ZFYVE26: variants seen among roughly 807,000 people sequenced by gnomAD.
ZFYVE26 encodes zinc finger FYVE-type containing 26, also known as zinc finger FYVE domain-containing protein 26.
In ZFYVE26, 181 loss-of-function variants were observed where a neutral mutation model predicts 276.5. The ratio of observed to expected loss-of-function variants is 0.65; its 90% CI spans 0.58 to 0.74. The LOEUF (loss-of-function observed/expected upper bound fraction) is 0.74, where lower values mean the gene tolerates loss of function less well. ZFYVE26 is among the 30% of genes least tolerant of loss of function. The pLI is 0.00. For missense variants in ZFYVE26, 2,821 were observed against 3,097.9 expected, an observed-to-expected ratio of 0.91 and a Z score of 2.12; for synonymous variants, 1,129 against 1,203.1, an observed-to-expected ratio of 0.94 and a Z score of 1.27.
intron 22 of ZFYVE26, among the ~76,000 whole-genome samples, chr14:67,780,922 C>T (rs1038036667): frequency 2.6e-5 from 4 of 152,174 alleles, no homozygotes; most frequent in African/African-American, 9.7e-5. Context: ...AAATATCCCA[C>T]AAGAATCTTT....
rs548309301 is a variant in ZFYVE26, at chr14:67,731,506, C to T, written n.2680-1687G>A. Among the ~76,000 whole-genome samples the T allele has an allele frequency of 3.9e-5, 6 of 152,122 alleles. No individual in the cohort carries two copies. The South Asian group carries it at 6.2e-4, about 16-fold the overall frequency. ...CTGGGATTGCAGGCGTGAGCCACTG[C>T]GCCTGGTCTTCCCATCATATTTCTA... On this transcript the variant is annotated intron_variant and non_coding_transcript_variant, in intron 13 of 14. Coordinates refer to the ZFYVE26 transcript ENST00000394455.
intron 3 of ZFYVE26, among the ~76,000 whole-genome samples, chr14:67,811,421 C>T (rs1311432916): frequency 6.6e-6 from 1 of 151,986 alleles, no homozygotes; most frequent in Admixed American, 6.6e-5. Flanking sequence ...AAAAAACTGG[C>T]AAAATTATAG....
At position 67,748,449 on chromosome 14, in the gene ZFYVE26, C is replaced by G; in HGVS notation, c.7607G>C (p.Gly2536Ala). 2 of 1,612,268 alleles carry G rather than the reference C, an allele frequency of 1.2e-6. No individual in the cohort carries two copies. Among genetic ancestry groups the G allele is most frequent in the Non-Finnish European group, 1.7e-6 (2 of 1,179,868 alleles). The part of the protein sequence containing the change: ...TSHPRGAHGP[G>A]SRK ...CACTGCCCAAGGTCACTTCCTGGAG[C>G]CTGGGCCATGGGCACCCCGGGGGTG... The change falls in exon 42 of 42, where the codon GGC becomes GCC. Residue 2536 changes from glycine (G) to alanine (A), a missense_variant. By Grantham distance (60) the Gly-to-Ala change is moderately conservative. Transcript: ENST00000347230.
At chr14:67,806,749 C>T in intron 5 of ZFYVE26, 74 bp from the exon 6 acceptor site, 2 of 1,575,824 alleles carry the variant, frequency 1.3e-6, no homozygotes, top group Non-Finnish European at 1.7e-6. Context: ...TTTGAACAAC[C>T]AAGTGATGTG....
intron 10 of ZFYVE26, among the ~76,000 whole-genome samples, chr14:67,800,262 A>G (rs561516555): frequency 6.6e-6 from 1 of 152,320 alleles, no homozygotes; most frequent in Non-Finnish European, 1.5e-5. Flanking sequence ...ATGAGAGAAA[A>G]GGGGAAAACA....
intron 31 of ZFYVE26, among the ~76,000 whole-genome samples, chr14:67,766,829 A>G (rs2039072562): frequency 1.3e-5 from 2 of 151,964 alleles, no homozygotes; most frequent in South Asian, 4.2e-4. Flanking sequence ...CCTCCCAAGT[A>G]GTGGGGACCA....
intron 29 of ZFYVE26, 116 bp from the exon 30 acceptor site, chr14:67,768,664 G>A (rs2039123093): frequency 1.0e-6 from 1 of 987,098 alleles, no homozygotes; most frequent in Non-Finnish European, 1.6e-6. Context: ...GGCTCTTTGA[G>A]GGTAGAATTG....
chr14:67,755,862 A>T (rs371488330), intron 36 of ZFYVE26, 86 bp downstream of exon 36: 7 of 1,409,280 alleles, frequency 5.0e-6, no homozygotes, highest in Middle Eastern at 1.9e-4. Context: ...GACCAATGAC[A>T]GTCTCATTCC....
chr14:67,795,511 T>A (rs1293786656), intron 12 of ZFYVE26, among the ~76,000 whole-genome samples: 1 of 152,224 alleles, frequency 6.6e-6, no homozygotes, highest in African/African-American at 2.4e-5. Flanking sequence ...AAACTTTCCA[T>A]GTATACTATC....
At chr14:67,750,032 C>A (rs2038594308) in intron 41 of ZFYVE26, among the ~76,000 whole-genome samples, 1 of 152,174 alleles carries the variant, frequency 6.6e-6, no homozygotes, top group Non-Finnish European at 1.5e-5. Context: ...GTGTCTTTCC[C>A]AGAAATAGCG....
At position 67,734,866 on chromosome 14, in the gene ZFYVE26, T is replaced by C. The variant is rs543824465; in HGVS notation, n.2680-5047A>G. 2.0e-5 allele frequency among the ~76,000 whole-genome samples: 3 copies of C among 152,320 alleles called. No homozygotes were observed. In the East Asian group the frequency reaches 5.8e-4, roughly 29 times the overall value. Reference sequence around the variant, plus strand: ...AAGGAGGCTCCACTTGCAGAATGCATCATTTCCTGCCGCCCTCAGCAAGGA... The same window carrying C: ...AAGGAGGCTCCACTTGCAGAATGCACCATTTCCTGCCGCCCTCAGCAAGGA... On this transcript the variant is annotated intron_variant and non_coding_transcript_variant, in intron 13 of 14. Coordinates refer to the ZFYVE26 transcript ENST00000394455.
At chr14:67,807,998 C>G (rs888535053) in intron 4 of ZFYVE26, 78 bp from the exon 5 acceptor site, 39 of 1,533,894 alleles carry the variant, frequency 2.5e-5, no homozygotes, top group Non-Finnish European at 3.3e-5. Context: ...ATGCTTTCCT[C>G]TTTTTCAGTT....
At chr14:67,735,173 C>T (rs549767321) in intron 13 of ZFYVE26, 6 of 1,203,590 alleles carry the variant, frequency 5.0e-6, no homozygotes. Context: ...AATATTAAGC[C>T]ACAGTCGTTC....
At chr14:67,762,910 C>T in intron 32 of ZFYVE26, 91 bp from the exon 33 acceptor site, 3 of 1,553,350 alleles carry the variant, frequency 1.9e-6, no homozygotes, top group Non-Finnish European at 2.6e-6. Flanking sequence ...TTTCTTTTTT[C>T]TGTTTGTTTT....
chr14:67,791,015 T>C (rs2039800180), intron 14 of ZFYVE26, among the ~76,000 whole-genome samples: 1 of 152,206 alleles, frequency 6.6e-6, no homozygotes, highest in Non-Finnish European at 1.5e-5. Context: ...TCAGAGGAAA[T>C]ATATATGACT....
intron 9 of ZFYVE26, among the ~76,000 whole-genome samples, chr14:67,802,666 GGGTC>G (rs1427326379): frequency 6.6e-6 from 1 of 152,124 alleles, no homozygotes; most frequent in Non-Finnish European, 1.5e-5. Flanking sequence ...GTGCCCCAGT[GGGTC>G]CAGGGATCAG....
chr14:67,811,361 G>A (rs1594941585), intron 3 of ZFYVE26, among the ~76,000 whole-genome samples: 1 of 152,316 alleles, frequency 6.6e-6, no homozygotes, highest in Non-Finnish European at 1.5e-5. Flanking sequence ...TCATGCAAAA[G>A]TGGAACCAAA....
rs889137512 is a variant in ZFYVE26, at chr14:67,778,117, G to T, written c.4797+9C>A. Reference sequence around the variant, plus strand: ...CCCAGAAGAAAAATGGAAAGAACTGGGGGCTTACTTGCAGAGCCTTGTCAT... The same window carrying T: ...CCCAGAAGAAAAATGGAAAGAACTGTGGGCTTACTTGCAGAGCCTTGTCAT... On this transcript the variant is annotated intron_variant, in intron 24 of 41. Coordinates refer to ENST00000347230, the MANE Select transcript of ZFYVE26 (RefSeq NM_015346.4). The T allele has an allele frequency of 1.9e-6, 3 of 1,614,116 alleles. No homozygotes were observed. Among genetic ancestry groups the T allele is most frequent in the Non-Finnish European group, 2.5e-6 (3 of 1,180,016 alleles).
chr14:67,782,814 T>A lies in ZFYVE26; in HGVS notation c.4338A>T (p.Ile1446=), dbSNP rs765803190. ...CAGCACAGCTCAGGACTGCATCCTT[T>A]ATGCTGCTCAAATCGTCCACATCTC... ...YGRDVDDLSS[I]KDAVLSCAVA... is the part of the protein sequence containing the mutation. The change falls in exon 21 of 42, where the codon ATA becomes ATT. Residue 1446 remains isoleucine (I), a synonymous_variant. Transcript: ENST00000347230. 4 of 1,614,242 alleles carry A rather than the reference T, an allele frequency of 2.5e-6. No individual in the cohort carries two copies. Among genetic ancestry groups the A allele is most frequent in the Non-Finnish European group, 3.4e-6 (4 of 1,180,040 alleles).
Sources: allele counts gnomAD v4.1 joint callset (sites outside exome capture counted in the v4.1 genomes callset), GRCh38; gene constraint gnomAD v4.1.1; transcripts MANE v1.5; gene names NCBI Gene and HGNC (gene_info 2026-07-23, HGNC 2026-07-21).